ZNF709: variants seen among roughly 807,000 people sequenced by gnomAD.
The protein encoded by ZNF709 is zinc finger protein 709.
In ZNF709, 15 loss-of-function variants were observed where a neutral mutation model predicts 10.6. The ratio of observed to expected loss-of-function variants is 1.41; its 90% CI spans 0.95 to 2.18. The LOEUF (loss-of-function observed/expected upper bound fraction) is 2.18, where lower values mean the gene tolerates loss of function less well. ZNF709 is among the 30% of genes most tolerant of loss of function. The probability of loss-of-function intolerance (pLI) is 0.00; values close to 1 mark genes in which losing one functional copy is unlikely to be tolerated. For synonymous variants in ZNF709, 194 were observed against 238.8 expected (o/e 0.81, Z 1.73); for missense variants, 589 against 774.0 (o/e 0.76, Z 2.84).
intron 1 of ZNF709, among the ~76,000 whole-genome samples, chr19:12,472,446 C>CG (rs1970641137): frequency 7.2e-6 from 1 of 139,574 alleles, no homozygotes; most frequent in Admixed American, 8.0e-5. Context: ...TGCTTGAACC[C>CG]GGGAGGTGGA....
Position 12,462,638 on chromosome 19 carries a change from C to T in ZNF709, c.*1358G>A, listed in dbSNP as rs1230970107. ...AGAAAAAAGGGTACTCTGTCTTCCT[C>T]TAAAAAAGCCTCTTTTGGTCAGAAA... is the stretch of plus-strand genomic sequence containing the variant. On this transcript the variant is annotated 3_prime_UTR_variant, in exon 4 of 4. Coordinates refer to ENST00000397732, the MANE Select transcript of ZNF709 (RefSeq NM_152601.4). 6.6e-6 allele frequency: 1 copy of T among 152,008 alleles called. No homozygotes were observed. The highest frequency in any genetic ancestry group is 2.4e-5 in the African/African-American group (1 of 41,376). The allele number at this position is 152,008 out of a possible 1,614,324, so 9.4% of individuals were successfully genotyped here.
At position 12,465,232 on chromosome 19, in the gene ZNF709, C is replaced by T; in HGVS notation, c.690G>A (p.Gly230=). ...GEKPYKCKEC[G]KTFSHPSSFR... is the part of the protein sequence containing the mutation. ...AAGAACTGGGATGACTGAACGTTTT[C>T]CCGCATTCTTTACATTTATAGGGTT... is the stretch of plus-strand genomic sequence containing the variant. Residue 230 remains glycine (G), a synonymous_variant, in exon 4 of 4, where the codon GGG becomes GGA. Transcript: ENST00000397732. 6.2e-7 allele frequency: 1 copy of T among 1,612,880 alleles called. No homozygotes were observed. The highest frequency in any genetic ancestry group is 8.5e-7 in the Non-Finnish European group (1 of 1,179,116).
chr19:12,484,514 G>A, intron 1 of ZNF709, 141 bp downstream of exon 1: 1 of 1,165,264 alleles, frequency 8.6e-7, no homozygotes, highest in Non-Finnish European at 1.2e-6. Flanking sequence ...AGAGACCGAG[G>A]GCCGAGCTGC....
At chr19:12,482,855 A>G (rs1409818181) in intron 1 of ZNF709, among the ~76,000 whole-genome samples, 3 of 152,076 alleles carry the variant, frequency 2.0e-5, no homozygotes, top group Non-Finnish European at 4.4e-5. Context: ...ATCCCTTGGG[A>G]GACCCAAGGG....
rs988597668 is a variant in ZNF709 at position 12,464,868 on chromosome 19, G to A, written c.1054C>T (p.Arg352Ter). ...CCAGTGTGCATTATCATATGTCTTC[G>A]ATAGCTTGGAAGAGAAATGAATGCT... ...GKAFISLPSYRRHMIMHTGNG... is the reference protein window; with the variant it reads ...GKAFISLPSY The change falls in exon 4 of 4, where the codon CGA (arginine) becomes TGA (stop). Residue 352 changes from arginine (R) to a stop codon, truncating the protein, a stop_gained. Coordinates refer to ENST00000397732, the MANE Select transcript of ZNF709 (RefSeq NM_152601.4). LOFTEE classifies it low-confidence loss of function (END_TRUNC). The A allele has an allele frequency of 2.9e-5, 47 of 1,613,836 alleles. 1 individual carries two copies. Among genetic ancestry groups the A allele is most frequent in the Non-Finnish European group, 3.4e-5 (40 of 1,179,964 alleles).
intron 1 of ZNF709, among the ~76,000 whole-genome samples, chr19:12,474,723 A>G (rs1970662251): frequency 6.6e-6 from 1 of 152,208 alleles, no homozygotes; most frequent in African/African-American, 2.4e-5. Flanking sequence ...CTTAGCAGAA[A>G]CCTTGGATGT....
chr19:12,469,851 AGAT>A (rs1191440936), intron 1 of ZNF709, among the ~76,000 whole-genome samples: 1 of 152,120 alleles, frequency 6.6e-6, no homozygotes, highest in African/African-American at 2.4e-5. Flanking sequence ...CATAGGATGG[AGAT>A]GATAAGATGC....
intron 2 of ZNF709, 62 bp downstream of exon 2, chr19:12,466,662 G>C: frequency 6.2e-7 from 1 of 1,612,408 alleles, no homozygotes; most frequent in Admixed American, 1.7e-5. Flanking sequence ...TTGGAACCTT[G>C]CTGATGAGCA....
Position 12,464,759 on chromosome 19 carries a change from C to T in ZNF709, c.1163G>A (p.Gly388Glu). 6.2e-7 allele frequency: 1 copy of T among 1,613,592 alleles called. No homozygotes were observed. The change falls in exon 4 of 4, where the codon GGA (glycine) becomes GAA (glutamate). Residue 388 changes from glycine (G) to glutamate (E), a missense_variant. Gly to Glu is a moderately conservative substitution (Grantham distance 98). Transcript: ENST00000397732. The stretch of plus-strand genomic sequence containing the variant: ...CTGTTTACATTCATAGGGTTTCTCT[C>T]CAGTGTGAGTTCGTTCATGGATTTG... ...SFQIHERTHT[G>E]EKPYECKQCG...
intron 1 of ZNF709, among the ~76,000 whole-genome samples, chr19:12,479,090 C>T (rs551785237): frequency 2.0e-4 from 30 of 152,226 alleles, no homozygotes; most frequent in African/African-American, 7.2e-4. Context: ...ATTGCCTGAG[C>T]CCAGGAGTTC....
At chr19:12,471,879 AG>A (rs1274782839) in intron 1 of ZNF709, among the ~76,000 whole-genome samples, 1 of 152,244 alleles carries the variant, frequency 6.6e-6, no homozygotes, top group Non-Finnish European at 1.5e-5. Context: ...ATGCAAGAGT[AG>A]GGAGAATTTT....
rs778974513 is a variant in ZNF709, at chr19:12,484,677, C to G, written c.-20G>C. On this transcript the variant is annotated 5_prime_UTR_variant, in exon 1 of 4. Transcript: ENST00000397732. ...TACCATTTCCCAGACTCTGGGATGT[C>G]CTGGTGTTCTGTTTACCTCTCCCGC... The G allele has an allele frequency of 1.0e-4, 169 of 1,613,926 alleles. No individual in the cohort carries two copies. Among genetic ancestry groups the G allele is most frequent in the Non-Finnish European group, 1.4e-4 (166 of 1,179,956 alleles).
chr19:12,464,227 A>G lies in ZNF709; in HGVS notation c.1695T>C (p.Cys565=), dbSNP rs1306625721. The change falls in exon 4 of 4, where the codon TGT becomes TGC. Residue 565 remains cysteine (C), a synonymous_variant. Coordinates refer to ENST00000397732, the MANE Select transcript of ZNF709 (RefSeq NM_152601.4). ...TGEKPYECKQ[C]GKAFSCSSSV... is the part of the protein sequence containing the mutation. ...AACTAGAACAACTGAAGGCCTTACC[A>G]CATTGTTTACACTCATAAGGTTTCT... The G allele has an allele frequency of 6.3e-7, 1 of 1,590,518 alleles. No homozygotes were observed. Among genetic ancestry groups the G allele is most frequent in the Non-Finnish European group, 8.5e-7 (1 of 1,170,010 alleles).
At chr19:12,480,454 C>T (rs1365720935) in intron 1 of ZNF709, among the ~76,000 whole-genome samples, 2 of 152,028 alleles carry the variant, frequency 1.3e-5, no homozygotes, top group African/African-American at 2.4e-5. Context: ...GAGGCCGAGG[C>T]GGGTGGATCA....
In ZNF709 at chr19:12,466,933, T is replaced by G. The variant is rs190189754; in HGVS notation, c.4-83A>C. 6 of 1,499,766 alleles carry G rather than the reference T, an allele frequency of 4.0e-6. No homozygotes were observed. The Admixed American group carries it at 1.2e-4, about 29-fold the overall frequency. The allele number at this position is 1,499,766 out of a possible 1,614,324, so 92.9% of individuals were successfully genotyped here. ...AAACTCAGTTCATTAAAAGTTCATA[T>G]ATAATTTTCTCCATTTATCCTGTAA... is the stretch of plus-strand genomic sequence containing the variant. On this transcript the variant is annotated intron_variant, in intron 1 of 3. Coordinates refer to ENST00000397732, the MANE Select transcript of ZNF709 (RefSeq NM_152601.4).
chr19:12,472,327 G>A (rs905051783), intron 1 of ZNF709, among the ~76,000 whole-genome samples: 1 of 151,936 alleles, frequency 6.6e-6, no homozygotes, highest in Non-Finnish European at 1.5e-5. Flanking sequence ...TTCAAGACCA[G>A]TCTGGCCAAC....
intron 1 of ZNF709, among the ~76,000 whole-genome samples, chr19:12,470,657 A>G (rs1003441868): frequency 1.3e-5 from 2 of 152,090 alleles, no homozygotes; most frequent in African/African-American, 2.4e-5. Flanking sequence ...GGCTGGGTGC[A>G]GTGGCTCACG....
In ZNF709 at chr19:12,465,204, G is replaced by C; in HGVS notation, c.718C>G (p.Arg240Gly). Residue 240 changes from arginine to glycine, a missense_variant, in exon 4 of 4, where the codon CGA becomes GGA. Coordinates refer to ENST00000397732, the MANE Select transcript of ZNF709 (RefSeq NM_152601.4). Reference sequence around the variant, plus strand: ...CCAGAGTGAGTTCTTTCATGATTTCGAAAAGAACTGGGATGACTGAACGTT... The same window carrying C: ...CCAGAGTGAGTTCTTTCATGATTTCCAAAAGAACTGGGATGACTGAACGTT... Reference protein sequence around the residue: ...GKTFSHPSSFRNHERTHSGEK... With the variant: ...GKTFSHPSSFGNHERTHSGEK... 6.2e-7 allele frequency: 1 copy of C among 1,612,952 alleles called. No homozygotes were observed. Among genetic ancestry groups the C allele is most frequent in the Non-Finnish European group, 8.5e-7 (1 of 1,179,128 alleles).
chr19:12,481,101 T>C, intron 1 of ZNF709: 1 of 906,874 alleles, frequency 1.1e-6, no homozygotes, highest in Non-Finnish European at 1.3e-6. Flanking sequence ...AATTTCCAAG[T>C]ACTCTATGAC....
Sources: gnomAD v4.1 joint callset for allele counts (sites outside exome capture counted in the v4.1 genomes callset) on GRCh38, gnomAD v4.1.1 for gene constraint, MANE v1.5 for transcripts, NCBI Gene and HGNC (gene_info 2026-07-23, HGNC 2026-07-21) for gene names.